Variants in SHC2 observed in about 807,000 individuals in gnomAD.
SHC2 encodes SHC adaptor protein 2, also known as SHC-transforming protein 2.
SHC2 carries 62 observed loss-of-function variants against 60.6 expected under a neutral mutation model. That is an observed-to-expected ratio of 1.02 (90% CI 0.83 to 1.26). The LOEUF is 1.26. SHC2 is among the 50% of genes most tolerant of loss of function. SHC2 has a pLI of 0.00. For synonymous variants in SHC2, 375 were observed against 372.4 expected, an observed-to-expected ratio of 1.01 and a Z score of -0.08; for missense variants, 873 against 822.2, an observed-to-expected ratio of 1.06 and a Z score of -0.76.
At chr19:431,352 G>A (rs561916262) in intron 8 of SHC2, among the ~76,000 whole-genome samples, 70 of 142,944 alleles carry the variant, frequency 4.9e-4, no homozygotes, top group Non-Finnish European at 6.8e-4. Context: ...GAGTGAGATC[G>A]TGAGTGAGAG....
At chr19:455,944 A>T (rs1975332297) in intron 1 of SHC2, among the ~76,000 whole-genome samples, 2 of 131,274 alleles carry the variant, frequency 1.5e-5, no homozygotes, top group Admixed American at 6.8e-5. Context: ...GGGCACCTTC[A>T]CAGAATCCGA....
intron 1 of SHC2, among the ~76,000 whole-genome samples, chr19:442,519 ATGGG>A (rs1974903614): frequency 2.0e-5 from 1 of 49,396 alleles, no homozygotes; most frequent in Non-Finnish European, 3.8e-5. Context: ...GGATGGATGG[ATGGG>A]TGGGTGGATG....
At position 460,519 on chromosome 19, in the gene SHC2, G is replaced by T. The variant is rs1165240206; in HGVS notation, c.468+10C>A. ...CGAACGGGCTCCCGGGGGGGGTGGG[G>T]GGGACTCACCCGCACGACGTAGGAG... On this transcript the variant is annotated intron_variant, in intron 1 of 12. Transcript: ENST00000264554. The T allele has an allele frequency of 7.8e-7, 1 of 1,289,354 alleles. No homozygotes were observed. Among genetic ancestry groups the T allele is most frequent in the Non-Finnish European group, 9.9e-7 (1 of 1,007,430 alleles). The allele number at this position is 1,289,354 out of a possible 1,614,324, so 79.9% of individuals were successfully genotyped here.
In SHC2 at chr19:424,967, T is replaced by A; in HGVS notation, c.1309+130A>T. 2 of 1,035,866 alleles carry A rather than the reference T, an allele frequency of 1.9e-6. No homozygotes were observed. Among genetic ancestry groups the A allele is most frequent in the Non-Finnish European group, 2.6e-6 (2 of 770,422 alleles). 64.2% of individuals were successfully genotyped at this position (1,035,866 alleles called of 1,614,324 possible). On this transcript the variant is annotated intron_variant, in intron 10 of 12. Coordinates refer to ENST00000264554, the MANE Select transcript of SHC2 (RefSeq NM_012435.3). This position sits in a 1 kb window ranked among gnomAD's most constrained non-coding sequence, Gnocchi z 4.5. ...CCGTCCCACCCGTCGACTTGAAGGA[T>A]CTCACGGGGAGAAGGGAGCCTCCCC...
chr19:426,067 C>T (rs1210359380), intron 9 of SHC2, among the ~76,000 whole-genome samples: 1 of 151,840 alleles, frequency 6.6e-6, no homozygotes, highest in Non-Finnish European at 1.5e-5. Context: ...TGGTTCAAAC[C>T]GGAACAGCAT....
intron 11 of SHC2, chr19:419,427 G>T (rs978157862): frequency 2.2e-5 from 4 of 179,300 alleles, no homozygotes; most frequent in African/African-American, 9.4e-5. Context: ...AGCCAGGGGG[G>T]CCCTAAGTCC....
At position 440,134 on chromosome 19, in the gene SHC2, G is replaced by A. The variant is rs749079002; in HGVS notation, c.539+728C>T. On this transcript the variant is annotated intron_variant, in intron 2 of 12. Transcript: ENST00000264554. The surrounding 1 kb of genome is among the most constrained non-coding windows in gnomAD (Gnocchi z 7.0). ...CGCCAGACACACGAGGCCACGCAGC[G>A]TGTGATCCCATTGCTATGAAATGTC... Among the ~76,000 whole-genome samples, 31 of 132,330 alleles carry A rather than the reference G, an allele frequency of 2.3e-4. No homozygotes were observed. Among genetic ancestry groups the A allele is most frequent in the East Asian group, 8.2e-4 (3 of 3,638 alleles). The allele number at this position is 132,330 out of a possible 152,430, so 86.8% of individuals were successfully genotyped here.
In SHC2 at chr19:439,017, G is replaced by A. The variant is rs577597277; in HGVS notation, c.553C>T (p.Arg185Trp). 47 of 1,593,182 alleles carry A rather than the reference G, an allele frequency of 3.0e-5. No individual in the cohort carries two copies. Among genetic ancestry groups the A allele is most frequent in the South Asian group, 8.0e-5 (7 of 87,876 alleles). The change falls in exon 3 of 13, where the codon CGG (arginine) becomes TGG (tryptophan). Residue 185 changes from arginine to tryptophan, a missense_variant. Transcript: ENST00000264554. ...RTQVTREAIN[R>W]LHEAVPGVRG... ...ACGCCAGGCACGGCCTCATGGAGCC[G>A]GTTGATGGCTTCCCTGGGGTTGGGA...
chr19:447,717 G>A (rs1050585016), intron 1 of SHC2, among the ~76,000 whole-genome samples: 4 of 152,108 alleles, frequency 2.6e-5, no homozygotes, highest in Non-Finnish European at 5.9e-5. Flanking sequence ...AGCGGAGGTT[G>A]CGGTGAGCCG....
intron 1 of SHC2, among the ~76,000 whole-genome samples, chr19:448,078 C>G (rs1975091020): frequency 6.6e-6 from 1 of 152,230 alleles, no homozygotes; most frequent in Admixed American, 6.5e-5. Context: ...ACGGCCTGGC[C>G]TGCGAGTGGC....
intron 9 of SHC2, among the ~76,000 whole-genome samples, chr19:427,314 A>C (rs1243173072): frequency 3.9e-5 from 6 of 152,236 alleles, no homozygotes; most frequent in African/African-American, 1.4e-4. Context: ...AACGTGATTA[A>C]GGCCGGCGCT....
At chr19:419,304 C>G (rs1033995428) in intron 11 of SHC2, 3 of 456,924 alleles carry the variant, frequency 6.6e-6, no homozygotes, top group Admixed American at 7.2e-5. Flanking sequence ...AAGGTGACCG[C>G]GGGAAGATGC....
intron 1 of SHC2, among the ~76,000 whole-genome samples, chr19:444,993 C>G (rs961449756): frequency 2.0e-5 from 3 of 152,232 alleles, no homozygotes; most frequent in African/African-American, 7.2e-5. Context: ...CCCCTGGGCT[C>G]CAGGATCTGC....
At chr19:437,108 G>A (rs944928905) in intron 4 of SHC2, among the ~76,000 whole-genome samples, 3 of 152,196 alleles carry the variant, frequency 2.0e-5, no homozygotes, top group Non-Finnish European at 4.4e-5. Context: ...ACGTGCAAGG[G>A]CACCTGTGAG....
chr19:423,854 C>T (rs1974343347), intron 10 of SHC2, among the ~76,000 whole-genome samples: 1 of 152,204 alleles, frequency 6.6e-6, no homozygotes. Context: ...CCGGGGCTGC[C>T]TGGCAGTCTG....
rs189392115 is a variant in SHC2, at chr19:434,722, G to A, written c.1097C>T (p.Thr366Met). Residue 366 changes from threonine to methionine, a missense_variant, in exon 8 of 13, where the codon ACG (threonine) becomes ATG (methionine). Thr to Met is a moderately conservative substitution (Grantham distance 81, BLOSUM62 -1). Transcript: ENST00000264554. ...RLALTQPCAL[T>M]ALDQGPSPSL... ...GCAGAGGCTGACCTGGTCGAGGGCCGTGAGGGCGCAGGGCTGTGTCAGGGC... is the reference window on the plus strand; with the variant it reads ...GCAGAGGCTGACCTGGTCGAGGGCCATGAGGGCGCAGGGCTGTGTCAGGGC... 30 of 1,610,338 alleles carry A rather than the reference G, an allele frequency of 1.9e-5. No individual in the cohort carries two copies. In the East Asian group the frequency reaches 4.2e-4, roughly 23 times the overall value.
chr19:429,027 AC>A (rs1257038276), intron 9 of SHC2, among the ~76,000 whole-genome samples: 1 of 150,294 alleles, frequency 6.7e-6, no homozygotes, highest in Non-Finnish European at 1.5e-5. Flanking sequence ...GAAACCTAAT[AC>A]CGTGTGGATG....
In SHC2 at chr19:440,818, G is replaced by A; in HGVS notation, c.539+44C>T. 2.6e-6 allele frequency: 4 copies of A among 1,546,646 alleles called. No homozygotes were observed. Among genetic ancestry groups the A allele is most frequent in the Non-Finnish European group, 3.6e-6 (4 of 1,120,698 alleles). ...CCCTCCAGTGCTGCCGCCCTCCAGT[G>A]CGTCACTCAGCCCTACGCGGCCAGG... On this transcript the variant is annotated intron_variant, in intron 2 of 12. Transcript: ENST00000264554. This position sits in a 1 kb window ranked among gnomAD's most constrained non-coding sequence, Gnocchi z 7.0.
intron 9 of SHC2, among the ~76,000 whole-genome samples, chr19:430,221 C>T (rs1008888005): frequency 2.7e-5 from 4 of 146,284 alleles, no homozygotes; most frequent in East Asian, 4.1e-4. Flanking sequence ...GTGTGGATGA[C>T]GCAGTATGTA....
Sources: allele counts gnomAD v4.1 joint callset (sites outside exome capture counted in the v4.1 genomes callset), GRCh38; gene constraint gnomAD v4.1.1; non-coding constraint Gnocchi (gnomAD v3.1); transcripts MANE v1.5; gene names NCBI Gene and HGNC (gene_info 2026-07-23, HGNC 2026-07-21).